The following KCNIP1 variants were observed in gnomAD, a reference collection of about 807,000 sequenced individuals.
KCNIP1 encodes potassium voltage-gated channel interacting protein 1, also known as A-type potassium channel modulatory protein KCNIP1.
In KCNIP1, 18 loss-of-function variants were observed where a neutral mutation model predicts 33.0. The observed-to-expected ratio is 0.55, with a 90% CI of 0.38 to 0.81. The LOEUF (loss-of-function observed/expected upper bound fraction) is 0.81. Ranked by LOEUF, KCNIP1 falls within the 30% of genes least tolerant of loss-of-function variation. The pLI is 0.00. For missense variants in KCNIP1, 238 were observed against 271.6 expected (o/e 0.88, Z 0.87); for synonymous variants, 93 against 98.3 (o/e 0.95, Z 0.32).
intron 1 of KCNIP1, among the ~76,000 whole-genome samples, chr5:170,562,754 A>T (rs569741710): frequency 4.6e-5 from 7 of 152,328 alleles, no homozygotes; most frequent in Admixed American, 2.0e-4. Flanking sequence ...GAATTGGAGT[A>T]CAGAGAAATC....
upstream of KCNIP1, among the ~76,000 whole-genome samples, chr5:170,503,725 C>T (rs1458336278): frequency 1.4e-3 from 1 of 722 alleles, no homozygotes; most frequent in Non-Finnish European, 3.9e-3. Context: ...GCACGCACAT[C>T]ACACACACAC....
chr5:170,672,073 A>C (rs4868011), intron 1 of KCNIP1, among the ~76,000 whole-genome samples: 29,753 of 152,188 alleles, frequency 0.2, 3,718 homozygotes, highest in East Asian at 0.54. Context: ...TGGAAGGAAA[A>C]GGTATTGGCC....
chr5:170,735,312 C>A (rs1455751908), intron 7 of KCNIP1, among the ~76,000 whole-genome samples: 1 of 152,140 alleles, frequency 6.6e-6, no homozygotes, highest in East Asian at 1.9e-4. Context: ...ACTTCTAATT[C>A]ATGGTTCAGA....
intron 1 of KCNIP1, among the ~76,000 whole-genome samples, chr5:170,531,530 A>G (rs1291207926): frequency 1.3e-5 from 2 of 152,212 alleles, no homozygotes; most frequent in Admixed American, 1.3e-4. Context: ...GCCCACCACT[A>G]ACAATTATTC....
In KCNIP1 at chr5:170,714,365, C is replaced by T. The variant is rs111374217; in HGVS notation, c.62-4393C>T. ...GGCCTGGACTGGCTGGATTCTAGGT[C>T]CAGATATGTCACCCATTGCTCAACG... On this transcript the variant is annotated intron_variant, in intron 1 of 7. Transcript: ENST00000328939. Among the ~76,000 whole-genome samples, 544 of 152,296 alleles carry T rather than the reference C, an allele frequency of 3.6e-3. 2 individuals carry two copies. The highest frequency in any genetic ancestry group is 0.012 in the African/African-American group (499 of 41,554).
chr5:170,517,350 C>T (rs963439829), intron 1 of KCNIP1, among the ~76,000 whole-genome samples: 4 of 152,192 alleles, frequency 2.6e-5, no homozygotes, highest in African/African-American at 7.2e-5. Context: ...CACCTTGTCC[C>T]TCCCCCAACA....
chr5:170,473,537 A>G (rs982802575), intron 1 of KCNIP1, among the ~76,000 whole-genome samples: 1 of 152,194 alleles, frequency 6.6e-6, no homozygotes, highest in South Asian at 2.1e-4. Flanking sequence ...GGGAGGGGCC[A>G]GGAGTTTTTA....
chr5:170,618,638 G>A (rs1279743932), intron 1 of KCNIP1, among the ~76,000 whole-genome samples: 1 of 151,760 alleles, frequency 6.6e-6, no homozygotes, highest in African/African-American at 2.4e-5. Context: ...AGGAGTCTGG[G>A]GACCAAAGTG....
chr5:170,622,370 C>T (rs765021566), intron 1 of KCNIP1, among the ~76,000 whole-genome samples: 2 of 151,994 alleles, frequency 1.3e-5, no homozygotes, highest in African/African-American at 2.4e-5. Flanking sequence ...GCCTGTAATC[C>T]CAGCACTTTG....
intron 4 of KCNIP1, 101 bp downstream of exon 4, chr5:170,722,004 C>A (rs537392682): frequency 1.5e-6 from 2 of 1,328,394 alleles, no homozygotes; most frequent in East Asian, 2.3e-5. Context: ...ATCAAAAGCT[C>A]TCAGTCAGAC....
chr5:170,500,943 G>A (rs1477953382), upstream of KCNIP1, among the ~76,000 whole-genome samples: 3 of 152,190 alleles, frequency 2.0e-5, no homozygotes, highest in African/African-American at 7.2e-5. Flanking sequence ...GTAATCATCA[G>A]TTTCTGCTTA....
At chr5:170,524,699 G>A (rs1755504224) in intron 1 of KCNIP1, among the ~76,000 whole-genome samples, 1 of 152,106 alleles carries the variant, frequency 6.6e-6, no homozygotes, top group Non-Finnish European at 1.5e-5. Flanking sequence ...GGCGGGGCGG[G>A]AATTCAGTTT....
chr5:170,353,728 C>T (rs868501667), exon 1 of KCNIP1: 12 of 678,366 alleles, frequency 1.8e-5, no homozygotes, highest in South Asian at 5.4e-5. Flanking sequence ...GCTGCAGAGG[C>T]AGCTGTGCTG....
chr5:170,474,867 A>G (rs1409312329), intron 1 of KCNIP1, among the ~76,000 whole-genome samples: 2 of 152,212 alleles, frequency 1.3e-5, no homozygotes, highest in African/African-American at 4.8e-5. Context: ...TTTTTTGTGA[A>G]GAGCAACAGA....
At chr5:170,717,787 CA>C (rs1763686563) in intron 1 of KCNIP1, among the ~76,000 whole-genome samples, 1 of 152,212 alleles carries the variant, frequency 6.6e-6, no homozygotes, top group East Asian at 1.9e-4. Flanking sequence ...AGCAGCCACC[CA>C]TCTCATCACT....
intron 1 of KCNIP1, among the ~76,000 whole-genome samples, chr5:170,526,719 C>CTTTT (rs145988547): frequency 1.5e-4 from 19 of 122,808 alleles, no homozygotes; most frequent in African/African-American, 2.0e-4. Context: ...ATCTGATTAG[C>CTTTT]TTTTTTTTTT....
At chr5:170,662,956 A>G (rs572536492) in intron 1 of KCNIP1, among the ~76,000 whole-genome samples, 26 of 152,296 alleles carry the variant, frequency 1.7e-4, no homozygotes, top group African/African-American at 6.3e-4. Context: ...AAACTCAAAA[A>G]CTGGGCTCAT....
At chr5:170,698,308 G>A (rs933777910) in intron 1 of KCNIP1, among the ~76,000 whole-genome samples, 1 of 152,194 alleles carries the variant, frequency 6.6e-6, no homozygotes, top group Non-Finnish European at 1.5e-5. Flanking sequence ...GTATCAAGTG[G>A]CAAAGTTGGG....
At position 170,519,418 on chromosome 5, in the gene KCNIP1, T is replaced by C. The variant is rs572663682; in HGVS notation, c.61+14785T>C. 2.0e-5 allele frequency among the ~76,000 whole-genome samples: 3 copies of C among 152,302 alleles called. No individual in the cohort carries two copies. In the South Asian group the frequency reaches 6.2e-4, roughly 32 times the overall value. ...GTTCTGCTGAATAAGGAATACGATT[T>C]GGGGACCAAACACCCTTGGATTTAA... On this transcript the variant is annotated intron_variant, in intron 1 of 7. Transcript: ENST00000328939.
Sources: allele counts gnomAD v4.1 joint callset (sites outside exome capture counted in the v4.1 genomes callset), GRCh38; gene constraint gnomAD v4.1.1; transcripts MANE v1.5; gene names NCBI Gene and HGNC (gene_info 2026-07-23, HGNC 2026-07-21).